MRPS28: variants seen among roughly 807,000 people sequenced by gnomAD.
MRPS28 encodes the protein mitochondrial ribosomal protein S28.
In MRPS28, 7 loss-of-function variants were observed where a neutral mutation model predicts 10.8. The ratio of observed to expected loss-of-function variants is 0.65; its 90% CI spans 0.37 to 1.22. MRPS28 has a LOEUF of 1.22. Ranked by LOEUF, MRPS28 falls within the 50% of genes most tolerant of loss-of-function variation. The pLI is 0.02. For synonymous variants in MRPS28, 121 were observed against 93.3 expected (o/e 1.30, Z -1.71); for missense variants, 265 against 232.9 (o/e 1.14, Z -0.90).
At chr8:79,991,517 T>C (rs142282340) in intron 2 of MRPS28, among the ~76,000 whole-genome samples, 5 of 152,190 alleles carry the variant, frequency 3.3e-5, no homozygotes, top group Middle Eastern at 6.8e-3. Context: ...AGAATCACAG[T>C]TGGAAAGAAA....
At position 79,929,168 on chromosome 8, in the gene MRPS28, A is replaced by G. The variant is rs544908829; in HGVS notation, c.396-10020T>C. Among the ~76,000 whole-genome samples, 7 of 152,360 alleles carry G rather than the reference A, an allele frequency of 4.6e-5. No homozygotes were observed. The South Asian group carries it at 6.2e-4, about 14-fold the overall frequency. On this transcript the variant is annotated intron_variant, in intron 2 of 2. Coordinates refer to ENST00000276585, the MANE Select transcript of MRPS28 (RefSeq NM_014018.3). ...TAAATTAAAAATAAAAATCAACTAC[A>G]TAAGTACAGAAAAGCAAGCACTTTA...
chr8:79,953,475 C>T (rs936702726), intron 2 of MRPS28, among the ~76,000 whole-genome samples: 5 of 152,084 alleles, frequency 3.3e-5, no homozygotes, highest in African/African-American at 1.2e-4. Context: ...GAAGGACAGT[C>T]TTTTTCATAA....
intron 2 of MRPS28, among the ~76,000 whole-genome samples, chr8:79,941,713 T>C (rs1279093065): frequency 1.3e-5 from 2 of 152,236 alleles, no homozygotes. Context: ...AGTTCGGTTT[T>C]AAATGCTGAA....
chr8:79,990,329 A>G (rs1456367867), intron 2 of MRPS28, among the ~76,000 whole-genome samples: 1 of 152,096 alleles, frequency 6.6e-6, no homozygotes, highest in Non-Finnish European at 1.5e-5. Flanking sequence ...CTTTCTCTGA[A>G]CAGGCTCTTC....
At chr8:79,931,120 T>C (rs1016051857) in intron 2 of MRPS28, among the ~76,000 whole-genome samples, 1 of 152,224 alleles carries the variant, frequency 6.6e-6, no homozygotes, top group African/African-American at 2.4e-5. Context: ...GAATAATTCT[T>C]ATGCCTTTAA....
At chr8:79,974,560 A>G (rs1807738478) in intron 2 of MRPS28, among the ~76,000 whole-genome samples, 1 of 150,502 alleles carries the variant, frequency 6.6e-6, no homozygotes, top group Admixed American at 6.6e-5. Flanking sequence ...ACAAAACAAA[A>G]CAAAATAAAA....
intron 2 of MRPS28, among the ~76,000 whole-genome samples, chr8:79,949,957 G>T (rs1807039219): frequency 3.3e-5 from 5 of 151,998 alleles, no homozygotes. Context: ...AATATATCAT[G>T]AATAATATTT....
At chr8:79,983,217 C>T (rs1808028644) in intron 2 of MRPS28, among the ~76,000 whole-genome samples, 1 of 151,904 alleles carries the variant, frequency 6.6e-6, no homozygotes, top group African/African-American at 2.4e-5. Context: ...GAGTGTCCTG[C>T]CTGTTAGAAG....
intron 2 of MRPS28, among the ~76,000 whole-genome samples, chr8:80,002,039 C>A (rs975124654): frequency 2.6e-5 from 4 of 151,864 alleles, no homozygotes; most frequent in Non-Finnish European, 4.4e-5. Context: ...GTTTGTCAGA[C>A]CCTATTCAGA....
chr8:79,982,424 T>C (rs973142356), intron 2 of MRPS28, among the ~76,000 whole-genome samples: 3 of 152,204 alleles, frequency 2.0e-5, no homozygotes, highest in Non-Finnish European at 1.5e-5. Flanking sequence ...AGGACAGTGG[T>C]TGCAGCGCAC....
Position 79,918,737 on chromosome 8 carries a change from T to G in MRPS28, c.*243A>C. 1 of 187,888 alleles carries G rather than the reference T, an allele frequency of 5.3e-6. No individual in the cohort carries two copies. 11.6% of individuals were successfully genotyped at this position (187,888 alleles called of 1,614,324 possible). Reference sequence around the variant, plus strand: ...GCACATAGACAGCACTCAAAACGTATTTATTGAATGACAATTTCTTAGTAC... The same window carrying G: ...GCACATAGACAGCACTCAAAACGTAGTTATTGAATGACAATTTCTTAGTAC... On this transcript the variant is annotated 3_prime_UTR_variant, in exon 3 of 3. Coordinates refer to ENST00000276585, the MANE Select transcript of MRPS28 (RefSeq NM_014018.3).
At chr8:80,015,867 A>G (rs973940939) in intron 1 of MRPS28, among the ~76,000 whole-genome samples, 1 of 152,118 alleles carries the variant, frequency 6.6e-6, no homozygotes, top group African/African-American at 2.4e-5. Flanking sequence ...AAGAAATGCT[A>G]GAGATCGAAA....
chr8:79,939,030 GCAAT>G (rs1806685400), intron 2 of MRPS28, among the ~76,000 whole-genome samples: 1 of 152,190 alleles, frequency 6.6e-6, no homozygotes, highest in Admixed American at 6.5e-5. Context: ...ATATGCACTA[GCAAT>G]CAGTTTCAGA....
chr8:79,925,212 GCTAC>G (rs1016092353), intron 2 of MRPS28, among the ~76,000 whole-genome samples: 2 of 150,872 alleles, frequency 1.3e-5, no homozygotes, highest in Admixed American at 6.6e-5. Flanking sequence ...CATAATTTTT[GCTAC>G]CTGAGTTATT....
intron 2 of MRPS28, among the ~76,000 whole-genome samples, chr8:79,988,718 CT>C (rs1808268943): frequency 6.6e-6 from 1 of 152,070 alleles, no homozygotes; most frequent in South Asian, 2.1e-4. Flanking sequence ...CAAAATAAGC[CT>C]TTTTGAACAA....
Position 79,958,565 on chromosome 8 carries a change from T to C in MRPS28, c.396-39417A>G. The C allele has an allele frequency of 5.3e-6, 3 of 566,640 alleles. No homozygotes were observed. In the South Asian group the frequency reaches 7.0e-5, roughly 13 times the overall value. 35.1% of individuals were successfully genotyped at this position (566,640 alleles called of 1,614,324 possible). On this transcript the variant is annotated intron_variant, in intron 2 of 2. Transcript: ENST00000276585. ...ATTTATTAAGAAAGAGAGTCACTAA[T>C]TGATTTTGTTGAGTTTTTCTTTAAT...
chr8:79,997,735 A>G (rs1011476262), intron 2 of MRPS28, among the ~76,000 whole-genome samples: 2 of 152,104 alleles, frequency 1.3e-5, no homozygotes, highest in African/African-American at 2.4e-5. Context: ...ATTCAAGTAA[A>G]TTTCTTAATA....
chr8:79,972,273 C>A (rs945735990), intron 2 of MRPS28, among the ~76,000 whole-genome samples: 3 of 152,104 alleles, frequency 2.0e-5, no homozygotes, highest in African/African-American at 7.2e-5. Flanking sequence ...AAGCACTATG[C>A]CATTTTATTA....
intron 2 of MRPS28, among the ~76,000 whole-genome samples, chr8:79,959,973 C>T (rs936910697): frequency 1.3e-5 from 2 of 152,150 alleles, no homozygotes; most frequent in African/African-American, 4.8e-5. Context: ...AAATCTCCCA[C>T]GGATTATTCC....
Sources: allele counts gnomAD v4.1 joint callset (sites outside exome capture counted in the v4.1 genomes callset), GRCh38; gene constraint gnomAD v4.1.1; transcripts MANE v1.5; gene names NCBI Gene and HGNC (gene_info 2026-07-23, HGNC 2026-07-21).